Variants in C7orf57 observed in about 807,000 individuals in gnomAD.
The protein encoded by C7orf57 is uncharacterized protein C7orf57.
Under a neutral mutation model 39.0 loss-of-function variants are expected in C7orf57, and 33 were observed. The ratio of observed to expected loss-of-function variants is 0.85; its 90% CI spans 0.64 to 1.13. The LOEUF (loss-of-function observed/expected upper bound fraction) is 1.13, where lower values mean the gene tolerates loss of function less well. Ranked by LOEUF, C7orf57 falls within the 50% of genes most tolerant of loss-of-function variation. The pLI is 0.00. For synonymous variants in C7orf57, 124 were observed against 137.1 expected, an observed-to-expected ratio of 0.90 and a Z score of 0.67; for missense variants, 346 against 362.3, an observed-to-expected ratio of 0.95 and a Z score of 0.37.
intron 4 of C7orf57, among the ~76,000 whole-genome samples, chr7:48,045,436 G>T (rs764493176): frequency 5.3e-5 from 8 of 151,902 alleles, no homozygotes; most frequent in African/African-American, 1.5e-4. Context: ...CTCTTACTGG[G>T]TATCTGCGTC....
At chr7:48,046,431 CA>C in intron 4 of C7orf57, 28 bp from the exon 5 acceptor site, 1 of 1,598,286 alleles carries the variant, frequency 6.3e-7, no homozygotes, top group Non-Finnish European at 8.5e-7. Context: ...CTCTGAGCAC[CA>C]GGCTGTAACT....
chr7:48,052,781 G>C lies in C7orf57; in HGVS notation c.687G>C (p.Gln229His), dbSNP rs1208318248. The change falls in exon 7 of 9, where the codon CAG becomes CAC. Residue 229 changes from glutamine to histidine, a missense_variant. Transcript: ENST00000348904. Reference protein sequence around the residue: ...NGYKDEWLQQQQRADSDKRTP... With the variant: ...NGYKDEWLQQHQRADSDKRTP... ...ATAAGGATGAGTGGTTGCAGCAGCA[G>C]CAGCGAGCTGACTCAGACAAGAGGA... The C allele has an allele frequency of 1.9e-6, 3 of 1,614,048 alleles. No individual in the cohort carries two copies. The highest frequency in any genetic ancestry group is 2.5e-6 in the Non-Finnish European group (3 of 1,179,894).
Position 48,036,371 on chromosome 7 carries a change from C to G in C7orf57, c.55+8C>G. ...ACCGCTACGCTCCCTGCGGTGAGTG[C>G]GCCCTGAGCGCGTCCCGGCCAGAAA... On this transcript the variant is annotated splice_region_variant and intron_variant, in intron 2 of 8. Transcript: ENST00000348904. 1 of 1,567,694 alleles carries G rather than the reference C, an allele frequency of 6.4e-7. No homozygotes were observed. Among genetic ancestry groups the G allele is most frequent in the Non-Finnish European group, 8.6e-7 (1 of 1,157,504 alleles).
chr7:48,038,906 G>T (rs532922578), intron 2 of C7orf57, among the ~76,000 whole-genome samples: 55 of 152,280 alleles, frequency 3.6e-4, no homozygotes, highest in Admixed American at 2.8e-3. Context: ...GGATTTAAAG[G>T]TTTTCTGATT....
At chr7:48,051,747 TTCTTTTC>T (rs1288630870) in intron 6 of C7orf57, among the ~76,000 whole-genome samples, 1 of 59,254 alleles carries the variant, frequency 1.7e-5, no homozygotes, top group African/African-American at 5.3e-5. Flanking sequence ...TTCTTTCTTT[TTCTTTTC>T]TTTCTTTCTT....
rs190547336 is a variant in C7orf57, at chr7:48,054,181, G to A, written c.830-414G>A. Among the ~76,000 whole-genome samples, 15 of 152,280 alleles carry A rather than the reference G, an allele frequency of 9.9e-5. No homozygotes were observed. In the East Asian group the frequency reaches 2.5e-3, roughly 26 times the overall value. ...TGTAATCCCAGCACTTCGGGAGGCC[G>A]AGGCAGGCAGATTACCTGAGGTCAG... is the stretch of plus-strand genomic sequence containing the variant. On this transcript the variant is annotated intron_variant, in intron 7 of 8. Coordinates refer to ENST00000348904, the MANE Select transcript of C7orf57 (RefSeq NM_001100159.3).
intron 6 of C7orf57, among the ~76,000 whole-genome samples, chr7:48,051,828 TTTC>T (rs1266380625): frequency 3.5e-4 from 17 of 49,086 alleles, no homozygotes; most frequent in African/African-American, 1.6e-3. Context: ...TCTTTCTTTC[TTTC>T]TTTCTTTCTT....
chr7:48,059,205 T>C (rs1791218231), intron 8 of C7orf57, among the ~76,000 whole-genome samples: 1 of 152,210 alleles, frequency 6.6e-6, no homozygotes, highest in African/African-American at 2.4e-5. Context: ...TTTCCTCTTC[T>C]GTTTTCCTAT....
At chr7:48,041,818 AAG>A (rs1451160418) in intron 3 of C7orf57, among the ~76,000 whole-genome samples, 1 of 152,204 alleles carries the variant, frequency 6.6e-6, no homozygotes, top group African/African-American at 2.4e-5. Flanking sequence ...TCTAATTACA[AAG>A]AGAATCTCAG....
intron 4 of C7orf57, among the ~76,000 whole-genome samples, chr7:48,043,836 A>G (rs1790626455): frequency 6.6e-6 from 1 of 151,878 alleles, no homozygotes; most frequent in Admixed American, 6.6e-5. Flanking sequence ...TTCTCGGTAA[A>G]TTGCACTGTA....
intron 5 of C7orf57, among the ~76,000 whole-genome samples, chr7:48,047,734 G>C (rs541152484): frequency 1.8e-4 from 28 of 151,710 alleles, no homozygotes; most frequent in Non-Finnish European, 3.7e-4. Flanking sequence ...AGAAGTTCTC[G>C]CTCTGTCACC....
At chr7:48,057,366 G>C (rs1419954776) in intron 8 of C7orf57, among the ~76,000 whole-genome samples, 12 of 152,048 alleles carry the variant, frequency 7.9e-5, no homozygotes, top group Non-Finnish European at 5.9e-5. Context: ...TTACTCCCAA[G>C]TATTTTTTAA....
chr7:48,040,943 G>T (rs1790529762), intron 2 of C7orf57, among the ~76,000 whole-genome samples: 1 of 152,162 alleles, frequency 6.6e-6, no homozygotes, highest in African/African-American at 2.4e-5. Flanking sequence ...AGTGATTTGG[G>T]ATTTTTCAGG....
chr7:48,051,817 C>CTCTTTCTTTCTTTCTTTCTTTCTT lies in C7orf57; in HGVS notation c.606-851_606-828dup, dbSNP rs199558027. On this transcript the variant is annotated intron_variant, in intron 6 of 8. Coordinates refer to ENST00000348904, the MANE Select transcript of C7orf57 (RefSeq NM_001100159.3). ...TTCTTTCCTTCCTTCCTTTTCTCTT[C>CTCTTTCTTTCTTTCTTTCTTTCTT]TCTTTCTTTCTTTCTTTCTTTCTTT... is the stretch of plus-strand genomic sequence containing the variant. 2.0e-4 allele frequency among the ~76,000 whole-genome samples: 10 copies of CTCTTTCTTTCTTTCTTTCTTTCTT among 51,150 alleles called. 1 individual carries two copies. The highest frequency in any genetic ancestry group is 3.7e-4 in the Non-Finnish European group (9 of 24,538). The allele number at this position is 51,150 out of a possible 152,430, so 33.6% of individuals were successfully genotyped here. A position where few individuals can be genotyped will look rare whatever the true frequency, so the allele number is the denominator to read the frequency against.
At chr7:48,037,063 T>A (rs1187088371) in intron 2 of C7orf57, among the ~76,000 whole-genome samples, 1 of 152,148 alleles carries the variant, frequency 6.6e-6, no homozygotes, top group African/African-American at 2.4e-5. Flanking sequence ...GCACATTTGC[T>A]CAGAAGTGAA....
At chr7:48,038,950 G>A (rs1790466977) in intron 2 of C7orf57, among the ~76,000 whole-genome samples, 2 of 152,246 alleles carry the variant, frequency 1.3e-5, no homozygotes. Flanking sequence ...CCAAAGACAC[G>A]GAATCGATAG....
chr7:48,054,679 G>T, intron 8 of C7orf57, 73 bp downstream of exon 8: 1 of 1,328,418 alleles, frequency 7.5e-7, no homozygotes, highest in Non-Finnish European at 1.1e-6. Context: ...ACATAGTCCT[G>T]CATTCTGAGA....
chr7:48,052,847 A>G lies in C7orf57; in HGVS notation c.753A>G (p.Pro251=), dbSNP rs1411625687. Residue 251 remains proline (P), a synonymous_variant, in exon 7 of 9, where the codon CCA becomes CCG. Coordinates refer to ENST00000348904, the MANE Select transcript of C7orf57 (RefSeq NM_001100159.3). ...TSRASVLSQS[P]RDLEGPQDAA... is the part of the protein sequence containing the mutation. ...GGGCATCAGTGTTATCTCAGTCCCC[A>G]CGAGACCTGGAAGGTCCCCAGGATG... 9.3e-6 allele frequency: 15 copies of G among 1,614,028 alleles called. No individual in the cohort carries two copies. The South Asian group carries it at 1.5e-4, about 17-fold the overall frequency.
intron 8 of C7orf57, among the ~76,000 whole-genome samples, chr7:48,059,071 G>A (rs1289460596): frequency 6.6e-6 from 1 of 152,150 alleles, no homozygotes; most frequent in African/African-American, 2.4e-5. Flanking sequence ...GCTGAGGCGG[G>A]GGTCACTATG....
Sources: allele counts gnomAD v4.1 joint callset (sites outside exome capture counted in the v4.1 genomes callset), GRCh38; gene constraint gnomAD v4.1.1; transcripts MANE v1.5; gene names NCBI Gene and HGNC (gene_info 2026-07-23, HGNC 2026-07-21).